PARD3: variants seen among roughly 807,000 people sequenced by gnomAD.
PARD3 encodes the protein partitioning defective 3 homolog.
Under a neutral mutation model 155.4 loss-of-function variants are expected in PARD3, and 75 were observed. The observed-to-expected ratio is 0.48, with a 90% CI of 0.40 to 0.58. PARD3 has a LOEUF of 0.58. PARD3 is among the 20% of genes least tolerant of loss of function. The probability of loss-of-function intolerance (pLI) is 0.00; values close to 1 mark genes in which losing one functional copy is unlikely to be tolerated. For synonymous variants in PARD3, 576 were observed against 610.5 expected (o/e 0.94, Z 0.83); for missense variants, 1,642 against 1,721.7 (o/e 0.95, Z 0.82).
intron 15 of PARD3, among the ~76,000 whole-genome samples, 176 bp downstream of exon 15, chr10:34,347,789 A>G (rs933752126): frequency 6.6e-6 from 1 of 152,200 alleles, no homozygotes; most frequent in African/African-American, 2.4e-5. Flanking sequence ...ACCTCTTCAC[A>G]TGAACACTTC....
At chr10:34,352,167 C>T (rs1210878996) in intron 14 of PARD3, among the ~76,000 whole-genome samples, 1 of 152,198 alleles carries the variant, frequency 6.6e-6, no homozygotes, top group East Asian at 1.9e-4. Context: ...GTAATTTCTA[C>T]AAATATTAAT....
At chr10:34,405,116 ACT>A (rs1419061538) in intron 5 of PARD3, among the ~76,000 whole-genome samples, 1 of 149,138 alleles carries the variant, frequency 6.7e-6, no homozygotes, top group Non-Finnish European at 1.5e-5. Flanking sequence ...ACACACACAC[ACT>A]TTAAAAACTC....
chr10:34,275,955 T>C (rs1955856480), intron 21 of PARD3, among the ~76,000 whole-genome samples: 1 of 152,104 alleles, frequency 6.6e-6, no homozygotes, highest in Admixed American at 6.6e-5. Context: ...ACCTCAACAA[T>C]GACAGAAGTA....
chr10:34,794,482 T>C (rs1289394974), intron 1 of PARD3, among the ~76,000 whole-genome samples: 1 of 152,238 alleles, frequency 6.6e-6, no homozygotes, highest in Non-Finnish European at 1.5e-5. Flanking sequence ...GTTCTATCAG[T>C]AAACAGATCA....
At chr10:34,136,139 C>T (rs912698264) in intron 22 of PARD3, among the ~76,000 whole-genome samples, 1 of 152,170 alleles carries the variant, frequency 6.6e-6, no homozygotes, top group African/African-American at 2.4e-5. Flanking sequence ...CTTCTCCAGG[C>T]TATTTACTTT....
intron 2 of PARD3, among the ~76,000 whole-genome samples, chr10:34,668,117 G>GA (rs1164699822): frequency 1.3e-5 from 2 of 151,948 alleles, no homozygotes; most frequent in African/African-American, 4.8e-5. Context: ...GTAAATGCAA[G>GA]AAAAAAACAG....
intron 1 of PARD3, among the ~76,000 whole-genome samples, chr10:34,742,479 G>A (rs2095037107): frequency 6.6e-6 from 1 of 152,166 alleles, no homozygotes; most frequent in South Asian, 2.1e-4. Context: ...TCCCAGGGGT[G>A]GTCCCGTCTC....
chr10:34,307,170 G>A (rs959200529), intron 20 of PARD3, among the ~76,000 whole-genome samples: 1 of 152,114 alleles, frequency 6.6e-6, no homozygotes, highest in African/African-American at 2.4e-5. Flanking sequence ...GATTACAGGC[G>A]TGAGCCACCG....
At chr10:34,457,362 C>CAATTT (rs2077393091) in intron 4 of PARD3, among the ~76,000 whole-genome samples, 1 of 152,172 alleles carries the variant, frequency 6.6e-6, no homozygotes, top group African/African-American at 2.4e-5. Flanking sequence ...TCGTTTGAAC[C>CAATTT]AATTTTCTCA....
At chr10:34,345,439 A>G (rs1315316157) in intron 15 of PARD3, 7 of 985,234 alleles carry the variant, frequency 7.1e-6, no homozygotes, top group African/African-American at 1.7e-5. Flanking sequence ...GAATTTCAAT[A>G]CAAAGTTCCT....
At chr10:34,482,202 T>A (rs535433754) in intron 3 of PARD3, among the ~76,000 whole-genome samples, 56 of 151,604 alleles carry the variant, frequency 3.7e-4, no homozygotes, top group African/African-American at 1.3e-3. Context: ...GCCCAGCTAA[T>A]TTTTTTATGT....
intron 20 of PARD3, among the ~76,000 whole-genome samples, chr10:34,311,881 G>C (rs1052510895): frequency 2.6e-5 from 4 of 152,188 alleles, no homozygotes; most frequent in African/African-American, 9.7e-5. Flanking sequence ...ATGGGTGACT[G>C]TACCAGCCCA....
At chr10:34,203,524 A>T (rs1951318905) in intron 22 of PARD3, among the ~76,000 whole-genome samples, 1 of 152,228 alleles carries the variant, frequency 6.6e-6, no homozygotes, top group African/African-American at 2.4e-5. Context: ...TTTGCATATA[A>T]CCTACCCACA....
chr10:34,162,181 C>T (rs1660619), intron 22 of PARD3, among the ~76,000 whole-genome samples: 59,730 of 151,888 alleles, frequency 0.39, 12,414 homozygotes, highest in African/African-American at 0.53. Flanking sequence ...TGCCTGAACA[C>T]GCCCAGAGCA....
intron 22 of PARD3, among the ~76,000 whole-genome samples, chr10:34,195,649 C>A (rs910417484): frequency 7.2e-5 from 11 of 152,164 alleles, no homozygotes; most frequent in African/African-American, 2.2e-4. Context: ...GAATATAAGG[C>A]ATCACATGTT....
chr10:34,341,856 C>T (rs564960367), intron 15 of PARD3, 40 bp from the exon 16 acceptor site: 66 of 1,267,320 alleles, frequency 5.2e-5, no homozygotes, highest in Non-Finnish European at 7.2e-5. Context: ...TTCTAGACAT[C>T]GATCAAAGTG....
At chr10:34,756,787 C>A (rs1241055604) in intron 1 of PARD3, among the ~76,000 whole-genome samples, 2 of 152,176 alleles carry the variant, frequency 1.3e-5, no homozygotes, top group African/African-American at 4.8e-5. Flanking sequence ...AATCTCTGTC[C>A]TTTGAACCAA....
intron 9 of PARD3, among the ~76,000 whole-genome samples, chr10:34,379,473 GA>G (rs1303460341): frequency 6.6e-6 from 1 of 152,010 alleles, no homozygotes; most frequent in Non-Finnish European, 1.5e-5. Flanking sequence ...GCTCTGGGGA[GA>G]TTTTTCCATA....
chr10:34,570,712 T>C (rs543026036), intron 2 of PARD3, among the ~76,000 whole-genome samples: 3 of 152,066 alleles, frequency 2.0e-5, no homozygotes, highest in African/African-American at 2.4e-5. Flanking sequence ...AGAAAAACAA[T>C]AGAAAAGCAC....
Sources: gnomAD v4.1 joint callset for allele counts (sites outside exome capture counted in the v4.1 genomes callset) on GRCh38, gnomAD v4.1.1 for gene constraint, MANE v1.5 for transcripts, NCBI Gene and HGNC (gene_info 2026-07-23, HGNC 2026-07-21) for gene names.